The following KMT2D variants were observed in gnomAD, a reference collection of about 807,000 sequenced individuals.
KMT2D encodes histone-lysine N-methyltransferase 2D.
KMT2D carries 55 observed loss-of-function variants against 512.7 expected under a neutral mutation model. That is an observed-to-expected ratio of 0.11 (90% CI 0.09 to 0.13). The LOEUF (loss-of-function observed/expected upper bound fraction) is 0.13, where lower values mean the gene tolerates loss of function less well. Among genes scored for constraint, KMT2D ranks in the 10% least tolerant of loss-of-function variants. KMT2D has a pLI of 1.00. For missense variants in KMT2D, 6,061 were observed against 7,127.9 expected, an observed-to-expected ratio of 0.85 and a Z score of 5.39; for synonymous variants, 2,995 against 2,904.0, an observed-to-expected ratio of 1.03 and a Z score of -1.01.
rs748510679 is a variant in KMT2D at position 49,053,514 on chromosome 12, G to C, written c.801C>G (p.Gly267=). 6.2e-7 allele frequency: 1 copy of C among 1,608,160 alleles called. No homozygotes were observed. Among genetic ancestry groups the C allele is most frequent in the Admixed American group, 1.7e-5 (1 of 59,164 alleles). Residue 267 remains glycine, a synonymous_variant, in exon 7 of 55, where the codon GGC becomes GGG. Coordinates refer to ENST00000301067, the MANE Select transcript of KMT2D (RefSeq NM_003482.4). ...DTALTARKRA[G]WQCPECKVCQ... is the part of the protein sequence containing the mutation. ...ACACTTTGCATTCAGGGCACTGCCA[G>C]CCAGCACGTTTGCGGGCAGTCAGAG... is the stretch of plus-strand genomic sequence containing the variant.
chr12:49,028,173 A>T (rs200425736), intron 46 of KMT2D, 32 bp from the exon 47 acceptor site: 1 of 1,613,336 alleles, frequency 6.2e-7, no homozygotes, highest in Non-Finnish European at 8.5e-7. Flanking sequence ...TGGAAGAAAC[A>T]TATCAGCCAA....
rs201007975 is a variant in KMT2D at position 49,026,168 on chromosome 12, G to A, written c.15784+14C>T. 396 of 1,546,294 alleles carry A rather than the reference G, an allele frequency of 2.6e-4. No individual in the cohort carries two copies. The highest frequency in any genetic ancestry group is 3.3e-4 in the Non-Finnish European group (372 of 1,144,490). On this transcript the variant is annotated intron_variant, in intron 49 of 54. Coordinates refer to ENST00000301067, the MANE Select transcript of KMT2D (RefSeq NM_003482.4). This position sits in a 1 kb window ranked among gnomAD's most constrained non-coding sequence, Gnocchi z 9.6. ...CCCATTCCATATTATCCATTTCAAG[G>A]GCCCACTGCTCACCCTGGGGAGAGG...
chr12:49,022,514 C>G lies in KMT2D; in HGVS notation c.16338+76G>C, dbSNP rs2137705680. The G allele has an allele frequency of 6.4e-7, 1 of 1,561,624 alleles. No homozygotes were observed. Among genetic ancestry groups the G allele is most frequent in the Non-Finnish European group, 8.7e-7 (1 of 1,144,534 alleles). ...CCCACCACAGCTTTCCTCCTGCTCT[C>G]CTGTGACCAATCCTGCCCTTGCTCC... On this transcript the variant is annotated intron_variant, in intron 52 of 54. Transcript: ENST00000301067. The surrounding 1 kb of genome is among the most constrained non-coding windows in gnomAD (Gnocchi z 8.6).
chr12:49,036,349 T>G (rs1161086754), intron 35 of KMT2D, among the ~76,000 whole-genome samples: 1 of 151,590 alleles, frequency 6.6e-6, no homozygotes, highest in Non-Finnish European at 1.5e-5. Flanking sequence ...TCTCGCTCTG[T>G]TGCCCAGCCT....
chr12:49,051,406 T>TGGCTCCTCAGGCCGGGGGGACAGGTGC lies in KMT2D; in HGVS notation c.2250_2276dup (p.Arg755_Pro763dup), dbSNP rs587778449. The TGGCTCCTCAGGCCGGGGGGACAGGTGC allele has an allele frequency of 1.1e-5, 17 of 1,603,008 alleles. No homozygotes were observed. The highest frequency in any genetic ancestry group is 3.3e-5 in the South Asian group (3 of 90,586). ...GCTCCTCAGCCTGCGGAGATAGGTG[T>TGGCTCCTCAGGCCGGGGGGACAGGTGC]GGCTCCTCAGGCCGGGGGGACAGGT... On this transcript the variant is annotated inframe_insertion, in exon 11 of 55. Transcript: ENST00000301067.
rs2120705341 is a variant in KMT2D, at chr12:49,054,159, A to G, written c.511-19T>C. Reference sequence around the variant, plus strand: ...AGCAGCGCTGCCAGGGTGAAAAAAGAGCCTCAGTGTCAGCCAGCTCTCCCC... The same window carrying G: ...AGCAGCGCTGCCAGGGTGAAAAAAGGGCCTCAGTGTCAGCCAGCTCTCCCC... On this transcript the variant is annotated intron_variant, in intron 5 of 54. Coordinates refer to ENST00000301067, the MANE Select transcript of KMT2D (RefSeq NM_003482.4). This position sits in a 1 kb window ranked among gnomAD's most constrained non-coding sequence, Gnocchi z 6.4. The G allele has an allele frequency of 6.3e-7, 1 of 1,578,742 alleles. No homozygotes were observed. The highest frequency in any genetic ancestry group is 1.9e-4 in the Middle Eastern group (1 of 5,304).
At position 49,032,728 on chromosome 12, in the gene KMT2D, G is replaced by C. The variant is rs749377569; in HGVS notation, c.11977C>G (p.Gln3993Glu). ...TLLSPQQQQQ[Q>E]QVALGPGMPA... ...ATGCCAGGGCCAAGTGCCACTTGCTGCTGCTGTTGTTGCTGAGGAGACAGT... is the reference window on the plus strand; with the variant it reads ...ATGCCAGGGCCAAGTGCCACTTGCTCCTGCTGTTGTTGCTGAGGAGACAGT... The change falls in exon 40 of 55, where the codon CAG becomes GAG. Residue 3993 changes from glutamine to glutamate, a missense_variant. Gln to Glu is a conservative substitution (Grantham distance 29). Transcript: ENST00000301067. 10 of 1,604,950 alleles carry C rather than the reference G, an allele frequency of 6.2e-6. No individual in the cohort carries two copies. The highest frequency in any genetic ancestry group is 8.5e-6 in the Non-Finnish European group (10 of 1,175,688).
Position 49,042,965 on chromosome 12 carries a change from T to C in KMT2D, c.5645-87A>G. ...TACAAATGATCATGGCCAGGAACAG[T>C]CCAGGACTCCCCACCAGAGAAGCTG... is the stretch of plus-strand genomic sequence containing the variant. On this transcript the variant is annotated intron_variant, in intron 26 of 54. Coordinates refer to ENST00000301067, the MANE Select transcript of KMT2D (RefSeq NM_003482.4). The surrounding 1 kb of genome is among the most constrained non-coding windows in gnomAD (Gnocchi z 4.4). 2 of 1,578,852 alleles carry C rather than the reference T, an allele frequency of 1.3e-6. No homozygotes were observed. Among genetic ancestry groups the C allele is most frequent in the Non-Finnish European group, 1.7e-6 (2 of 1,150,642 alleles).
Position 49,033,388 on chromosome 12 carries a change from G to C in KMT2D, c.11317C>G (p.Pro3773Ala). ...VQTNQALGPK[P>A]QGLMPPSSHQ... ...CTGCTGGGAGGCATAAGGCCCTGGG[G>C]CTTGGGACCCAGAGCTTGGTTTGTC... Residue 3773 changes from proline to alanine, a missense_variant, in exon 40 of 55, where the codon CCC (proline) becomes GCC (alanine). Around this residue, in one of 16 missense-constraint regions of KMT2D, gnomAD observed 1,600 missense variants for 1,754.9 expected, o/e 0.91. Coordinates refer to ENST00000301067, the MANE Select transcript of KMT2D (RefSeq NM_003482.4). The C allele has an allele frequency of 6.4e-7, 1 of 1,574,162 alleles. No individual in the cohort carries two copies. The highest frequency in any genetic ancestry group is 8.6e-7 in the Non-Finnish European group (1 of 1,159,900).
intron 25 of KMT2D, 27 bp from the exon 26 acceptor site, chr12:49,043,213 G>A (rs765915013): frequency 1.3e-6 from 2 of 1,599,262 alleles, no homozygotes; most frequent in Non-Finnish European, 1.7e-6. Flanking sequence ...AAACCCATGG[G>A]TCAAGGCCAG....
chr12:49,029,736 G>A lies in KMT2D; in HGVS notation c.14000-260C>T, dbSNP rs876333. Among the ~76,000 whole-genome samples, 33,371 of 146,862 alleles carry A rather than the reference G, an allele frequency of 0.23. 4,635 individuals carry two copies. Among genetic ancestry groups the A allele is most frequent in the East Asian group, 0.43 (2,168 of 5,050 alleles). On this transcript the variant is annotated intron_variant, in intron 43 of 54. Coordinates refer to ENST00000301067, the MANE Select transcript of KMT2D (RefSeq NM_003482.4). ...TTGTTATATTGCCCAAGCTGGTCTC[G>A]AACTCCTGGCCTCAAGCAATCCTTC... is the stretch of plus-strand genomic sequence containing the variant.
Position 49,043,758 on chromosome 12 carries a change from G to T in KMT2D, c.5344C>A (p.Leu1782Met), listed in dbSNP as rs375540806. The T allele has an allele frequency of 1.2e-6, 2 of 1,613,004 alleles. No individual in the cohort carries two copies. The highest frequency in any genetic ancestry group is 2.7e-5 in the African/African-American group (2 of 74,838). The change falls in exon 24 of 55, where the codon CTG becomes ATG. Residue 1782 changes from leucine (L) to methionine (M), a missense_variant. Coordinates refer to ENST00000301067, the MANE Select transcript of KMT2D (RefSeq NM_003482.4). ...AAAAGGGCCTTACGGCTCAGGTCCAGCAGCTCCTTCCCAAAGAAGGCTTCC... is the reference window on the plus strand; with the variant it reads ...AAAAGGGCCTTACGGCTCAGGTCCATCAGCTCCTTCCCAAAGAAGGCTTCC... ...LQEAFFGKEL[L>M]DLSRKALFAV...
intron 35 of KMT2D, among the ~76,000 whole-genome samples, chr12:49,036,475 C>A (rs1943221764): frequency 7.1e-6 from 1 of 140,764 alleles, no homozygotes; most frequent in Non-Finnish European, 1.5e-5. Flanking sequence ...CCACACCCAG[C>A]TAATTTTTTT....
Position 49,054,167 on chromosome 12 carries a change from T to G in KMT2D, c.511-27A>C, listed in dbSNP as rs753334940. On this transcript the variant is annotated intron_variant, in intron 5 of 54. Coordinates refer to ENST00000301067, the MANE Select transcript of KMT2D (RefSeq NM_003482.4). This position sits in a 1 kb window ranked among gnomAD's most constrained non-coding sequence, Gnocchi z 6.4. Reference sequence around the variant, plus strand: ...TGCCAGGGTGAAAAAAGAGCCTCAGTGTCAGCCAGCTCTCCCCAGACAAAC... The same window carrying G: ...TGCCAGGGTGAAAAAAGAGCCTCAGGGTCAGCCAGCTCTCCCCAGACAAAC... 3 of 1,567,984 alleles carry G rather than the reference T, an allele frequency of 1.9e-6. No individual in the cohort carries two copies. The African/African-American group carries it at 4.1e-5, about 21-fold the overall frequency.
At position 49,051,381 on chromosome 12, in the gene KMT2D, G is replaced by C. The variant is rs2120669262; in HGVS notation, c.2302C>G (p.Pro768Ala). Residue 768 changes from proline (P) to alanine (A), a missense_variant, in exon 11 of 55, where the codon CCA (proline) becomes GCA (alanine). Around this residue, in one of 16 missense-constraint regions of KMT2D, gnomAD observed 848 missense variants for 838.5 expected, o/e 1.01. Coordinates refer to ENST00000301067, the MANE Select transcript of KMT2D (RefSeq NM_003482.4). ...EPHLSPQAEEPHLSPQPEEPC... is the reference protein window; with the variant it reads ...EPHLSPQAEEAHLSPQPEEPC... ...TCCTCAGGCTGGGGGGACAGGTGTGGCTCCTCAGCCTGCGGAGATAGGTGT... is the reference window on the plus strand; with the variant it reads ...TCCTCAGGCTGGGGGGACAGGTGTGCCTCCTCAGCCTGCGGAGATAGGTGT... 1 of 1,607,160 alleles carries C rather than the reference G, an allele frequency of 6.2e-7. No homozygotes were observed. Among genetic ancestry groups the C allele is most frequent in the South Asian group, 1.1e-5 (1 of 90,750 alleles).
chr12:49,029,559 T>G, intron 43 of KMT2D, 83 bp from the exon 44 acceptor site: 6 of 951,682 alleles, frequency 6.3e-6, no homozygotes, highest in Non-Finnish European at 9.8e-6. Context: ...TAGGCCTAAT[T>G]AGCATGAGAT....
At position 49,033,467 on chromosome 12, in the gene KMT2D, GTGCTGCTGCTGCTGT is replaced by G. The variant is rs1312656236; in HGVS notation, c.11223_11237del (p.Gln3741_Gln3745del). On this transcript the variant is annotated inframe_deletion, in exon 40 of 55. Transcript: ENST00000301067. ...GCTGGATTGCCACCTGTCCTAGAAG[GTGCTGCTGCTGCTGT>G]TGCTGCTGCTGCTGCTGCTGCAGTT... 1 of 1,606,244 alleles carries G rather than the reference GTGCTGCTGCTGCTGT, an allele frequency of 6.2e-7. No individual in the cohort carries two copies. The highest frequency in any genetic ancestry group is 1.3e-5 in the African/African-American group (1 of 74,086).
chr12:49,045,372 C>T (rs780937201), intron 19 of KMT2D, among the ~76,000 whole-genome samples: 4 of 152,124 alleles, frequency 2.6e-5, no homozygotes, highest in Admixed American at 2.0e-4. Flanking sequence ...CAGCCGGGCG[C>T]GGTGCTCATG....
Position 49,052,566 on chromosome 12 carries a change from A to C in KMT2D, c.1256T>G (p.Leu419Arg), listed in dbSNP as rs754226909. ...PGPLQCEAKP[L>R]GKAGVQLEPQ... ...AGGGACCCTCAAACCCTACTCACCT[A>C]GTGGTTTGGCTTCACATTGCAGGGG... is the stretch of plus-strand genomic sequence containing the variant. The change falls in exon 10 of 55, where the codon CTA (leucine) becomes CGA (arginine). Residue 419 changes from leucine to arginine, a missense_variant and splice_region_variant. By Grantham distance (102) the Leu-to-Arg change is moderately radical (BLOSUM62 -2). Transcript: ENST00000301067. 1.9e-6 allele frequency: 3 copies of C among 1,612,868 alleles called. No individual in the cohort carries two copies. The highest frequency in any genetic ancestry group is 1.3e-5 in the African/African-American group (1 of 74,882).
Sources: gnomAD v4.1 joint callset for allele counts (sites outside exome capture counted in the v4.1 genomes callset) on GRCh38, gnomAD v4.1.1 for gene constraint, gnomAD v4.1.1 regional missense constraint, Gnocchi (gnomAD v3.1) non-coding constraint, MANE v1.5 for transcripts, NCBI Gene and HGNC (gene_info 2026-07-23, HGNC 2026-07-21) for gene names.